Variants in LIMK1 observed in about 807,000 individuals in gnomAD.
LIMK1 encodes the protein LIM motif-containing protein kinase.
A neutral mutation model predicts 77.6 loss-of-function variants in LIMK1; 21 were observed. The ratio of observed to expected loss-of-function variants is 0.27; its 90% CI spans 0.19 to 0.39. The LOEUF (loss-of-function observed/expected upper bound fraction) is 0.39, where lower values mean the gene tolerates loss of function less well. LIMK1 is among the 10% of genes least tolerant of loss of function. The probability of loss-of-function intolerance (pLI) is 1.00; values close to 1 mark genes in which losing one functional copy is unlikely to be tolerated. For synonymous variants in LIMK1, 358 were observed against 370.0 expected, an observed-to-expected ratio of 0.97 and a Z score of 0.37; for missense variants, 696 against 901.6, an observed-to-expected ratio of 0.77 and a Z score of 2.92.
chr7:74,102,867 C>CTTT (rs200075270), intron 5 of LIMK1, among the ~76,000 whole-genome samples: 32 of 135,418 alleles, frequency 2.4e-4, no homozygotes, highest in Admixed American at 1.2e-3. Context: ...TCATCAGTAT[C>CTTT]TTTTTTTTTT....
chr7:74,112,134 G>A (rs2115733010), intron 12 of LIMK1, 136 bp downstream of exon 12: 1 of 707,834 alleles, frequency 1.4e-6, no homozygotes, highest in South Asian at 1.8e-5. Flanking sequence ...GGGGTGGGGG[G>A]CAGCAGCCCG....
chr7:74,108,647 C>CA (rs1310123718), intron 9 of LIMK1, among the ~76,000 whole-genome samples: 902 of 87,758 alleles, frequency 0.01, 7 homozygotes, highest in African/African-American at 0.032. Context: ...GACTCCTTCT[C>CA]AAAAAAAAAA....
chr7:74,099,742 T>C (rs1396804745), intron 5 of LIMK1, among the ~76,000 whole-genome samples: 1 of 150,836 alleles, frequency 6.6e-6, no homozygotes, highest in African/African-American at 2.4e-5. Flanking sequence ...AAAATAAAAA[T>C]AAAAAAAACA....
intron 14 of LIMK1, 103 bp downstream of exon 14, chr7:74,120,741 G>A: frequency 6.5e-7 from 1 of 1,548,710 alleles, no homozygotes; most frequent in African/African-American, 1.4e-5. Context: ...CAGGAAGCCT[G>A]CCCACAGCAA....
intron 3 of LIMK1, 98 bp from the exon 4 acceptor site, chr7:74,096,982 G>A: frequency 8.9e-7 from 1 of 1,120,440 alleles, no homozygotes; most frequent in Non-Finnish European, 1.3e-6. Flanking sequence ...CCCTGCAGTT[G>A]TTTTTTTGGT....
At chr7:74,100,536 C>T (rs1799436116) in intron 5 of LIMK1, among the ~76,000 whole-genome samples, 1 of 151,970 alleles carries the variant, frequency 6.6e-6, no homozygotes, top group Admixed American at 6.6e-5. Context: ...AATTCTTGCA[C>T]CTCAGCCCCC....
chr7:74,102,354 A>G (rs782600039), intron 5 of LIMK1, among the ~76,000 whole-genome samples: 6 of 151,964 alleles, frequency 3.9e-5, no homozygotes, highest in Admixed American at 2.0e-4. Context: ...ATACATATAC[A>G]TGTTTAGTGA....
In LIMK1 at chr7:74,099,035, G is replaced by A. The variant is rs1554696087; in HGVS notation, c.405G>A (p.Gly135=). The A allele has an allele frequency of 6.2e-7, 1 of 1,607,326 alleles. No individual in the cohort carries two copies. Among genetic ancestry groups the A allele is most frequent in the East Asian group, 2.2e-5 (1 of 44,758 alleles). ...CCCACCCCGGCGGCTCTTGCAGCGG[G>A]CACTGCTACTACCAGACTGTGGTGA... The part of the protein sequence containing the change: ...TLVEHSKLYC[G]HCYYQTVVTP... The change falls in exon 5 of 16, where the codon GGG becomes GGA. Residue 135 remains glycine, a synonymous_variant. Transcript: ENST00000336180.
chr7:74,091,254 T>C (rs1799228891), intron 2 of LIMK1, among the ~76,000 whole-genome samples: 1 of 150,590 alleles, frequency 6.6e-6, no homozygotes, highest in African/African-American at 2.4e-5. Flanking sequence ...CCAAGGCTGG[T>C]AACTCACGCC....
chr7:74,095,357 G>A (rs968566800), intron 2 of LIMK1, among the ~76,000 whole-genome samples: 13 of 152,170 alleles, frequency 8.5e-5, no homozygotes, highest in African/African-American at 3.1e-4. Context: ...CCCACAGCAG[G>A]ACCCAGGGGG....
chr7:74,095,968 CTT>C (rs869065672), intron 2 of LIMK1, among the ~76,000 whole-genome samples: 20 of 127,108 alleles, frequency 1.6e-4, no homozygotes, highest in Admixed American at 1.5e-4. Context: ...TTTTCTTTTT[CTT>C]TTTTTTTTTT....
chr7:74,085,665 T>G, intron 1 of LIMK1, 83 bp from the exon 2 acceptor site: 1 of 1,020,348 alleles, frequency 9.8e-7, no homozygotes, highest in Non-Finnish European at 1.5e-6. Context: ...GGTGTAGGTA[T>G]ATGTGGGGTG....
chr7:74,107,116 C>A lies in LIMK1; in HGVS notation c.988C>A (p.Pro330Thr). 1 of 1,612,968 alleles carries A rather than the reference C, an allele frequency of 6.2e-7. No homozygotes were observed. The highest frequency in any genetic ancestry group is 8.5e-7 in the Non-Finnish European group (1 of 1,179,882). The stretch of plus-strand genomic sequence containing the variant: ...TGAGTCCCTCCGCGTAGTCTGCCGG[C>A]CACACCGCATCTTCCGGCCGTCGGA... ...RSESLRVVCRPHRIFRPSDLI... is the reference protein window; with the variant it reads ...RSESLRVVCRTHRIFRPSDLI... The change falls in exon 8 of 16, where the codon CCA (proline) becomes ACA (threonine). Residue 330 changes from proline (P) to threonine (T), a missense_variant. This residue lies in a region of LIMK1 where 438 missense variants were observed against 602.3 expected (regional missense o/e 0.73). Transcript: ENST00000336180.
At chr7:74,114,948 G>A (rs1314607670) in intron 12 of LIMK1, among the ~76,000 whole-genome samples, 1 of 151,770 alleles carries the variant, frequency 6.6e-6, no homozygotes, top group Non-Finnish European at 1.5e-5. Context: ...ATTGGGCCAG[G>A]TATGGTGGCT....
At position 74,107,154 on chromosome 7, in the gene LIMK1, G is replaced by A. The variant is rs1732360069; in HGVS notation, c.1026G>A (p.Gly342=). 6.2e-7 allele frequency: 1 copy of A among 1,612,804 alleles called. No homozygotes were observed. The highest frequency in any genetic ancestry group is 1.3e-5 in the African/African-American group (1 of 74,950). Residue 342 remains glycine (G), a synonymous_variant, in exon 8 of 16, where the codon GGG becomes GGA. Transcript: ENST00000336180. ...TCCGGCCGTCGGACCTCATCCACGG[G>A]GAGGTGCTGGGCAAGGGCTGCTTCG... The part of the protein sequence containing the change: ...RIFRPSDLIH[G]EVLGKGCFGQ...
chr7:74,104,029 G>A (rs1799519226), intron 5 of LIMK1, among the ~76,000 whole-genome samples: 1 of 152,022 alleles, frequency 6.6e-6, no homozygotes, highest in South Asian at 2.1e-4. Context: ...CTGACCTCAA[G>A]TGATCTTCCC....
rs782206181 is a variant in LIMK1, at chr7:74,095,362, AG to A, written c.153-1254del. 3.3e-5 allele frequency among the ~76,000 whole-genome samples: 5 copies of A among 152,212 alleles called. No individual in the cohort carries two copies. In the East Asian group the frequency reaches 7.7e-4, roughly 24 times the overall value. The stretch of plus-strand genomic sequence containing the variant: ...GACATGCCCCCCCACAGCAGGACCC[AG>A]GGGGGCACATGTGTGCCTGCGGGTT... On this transcript the variant is annotated intron_variant, in intron 2 of 15. Coordinates refer to ENST00000336180, the MANE Select transcript of LIMK1 (RefSeq NM_002314.4).
chr7:74,098,200 T>C (rs1416696886), intron 4 of LIMK1, among the ~76,000 whole-genome samples: 1 of 152,190 alleles, frequency 6.6e-6, no homozygotes, highest in Non-Finnish European at 1.5e-5. Flanking sequence ...AATCACATGA[T>C]GTATCTTTGC....
In LIMK1 at chr7:74,121,055, TG is replaced by T; in HGVS notation, c.1781+10del. On this transcript the variant is annotated splice_region_variant and intron_variant, in intron 15 of 15. Transcript: ENST00000336180. ...GATCTGGACCCCGAGAAGAGGTGAG[TG>T]GGGTGGGGCCCTGGCCTGGGAGACG... is the stretch of plus-strand genomic sequence containing the variant. 6.3e-7 allele frequency: 1 copy of T among 1,590,380 alleles called. No individual in the cohort carries two copies. Among genetic ancestry groups the T allele is most frequent in the Non-Finnish European group, 8.6e-7 (1 of 1,167,248 alleles).
Sources: allele counts gnomAD v4.1 joint callset (sites outside exome capture counted in the v4.1 genomes callset), GRCh38; gene constraint gnomAD v4.1.1; regional missense constraint gnomAD v4.1.1; transcripts MANE v1.5; gene names NCBI Gene and HGNC (gene_info 2026-07-23, HGNC 2026-07-21).